Variants in SEMA3E observed in about 807,000 individuals in gnomAD.
The protein encoded by SEMA3E is semaphorin-3E.
A neutral mutation model predicts 93.6 loss-of-function variants in SEMA3E; 49 were observed. That is an observed-to-expected ratio of 0.52 (90% CI 0.42 to 0.66). The LOEUF is 0.66. SEMA3E is among the 30% of genes least tolerant of loss of function. The probability of loss-of-function intolerance (pLI) is 0.00; values close to 1 mark genes in which losing one functional copy is unlikely to be tolerated. For missense variants in SEMA3E, 906 were observed against 964.8 expected (o/e 0.94, Z 0.81); for synonymous variants, 363 against 330.7 (o/e 1.10, Z -1.06).
At chr7:83,603,945 A>G (rs1793051434) in intron 1 of SEMA3E, among the ~76,000 whole-genome samples, 1 of 152,184 alleles carries the variant, frequency 6.6e-6, no homozygotes, top group African/African-American at 2.4e-5. Context: ...AGGTGCTAAG[A>G]AACTGAATAG....
chr7:83,503,493 G>T (rs28691114), intron 1 of SEMA3E, among the ~76,000 whole-genome samples: 34,870 of 151,970 alleles, frequency 0.23, 5,196 homozygotes, highest in African/African-American at 0.43. Flanking sequence ...TAAATTTCTA[G>T]GAGTTTTCTA....
chr7:83,406,792 G>T (rs554773431), intron 7 of SEMA3E, among the ~76,000 whole-genome samples: 2 of 151,992 alleles, frequency 1.3e-5, no homozygotes, highest in Non-Finnish European at 2.9e-5. Context: ...AATAAAAAAG[G>T]TTTTGATCAA....
At chr7:83,610,039 TTAAAGA>T (rs1793218735) in intron 1 of SEMA3E, among the ~76,000 whole-genome samples, 1 of 151,974 alleles carries the variant, frequency 6.6e-6, no homozygotes, top group African/African-American at 2.4e-5. Flanking sequence ...ATCTATCAAT[TTAAAGA>T]TAAACTACAA....
intron 1 of SEMA3E, among the ~76,000 whole-genome samples, chr7:83,601,936 A>T (rs974751567): frequency 6.6e-6 from 1 of 152,198 alleles, no homozygotes; most frequent in African/African-American, 2.4e-5. Flanking sequence ...ACATACCCTG[A>T]TGGGGAGATG....
chr7:83,449,178 C>T (rs1274005662), intron 4 of SEMA3E, among the ~76,000 whole-genome samples: 1 of 151,816 alleles, frequency 6.6e-6, no homozygotes, highest in African/African-American at 2.4e-5. Context: ...TGGCTCACTG[C>T]AACCTCCACC....
At position 83,427,079 on chromosome 7, in the gene SEMA3E, TGTTA is replaced by T. The variant is rs540211182; in HGVS notation, c.457-8600_457-8597del. Reference sequence around the variant, plus strand: ...ATGTTTATTTTATCCCCAAAGACCTTGTTAGTGACAGCATGTAATTTGAAGGTAA... The same window carrying T: ...ATGTTTATTTTATCCCCAAAGACCTTGTGACAGCATGTAATTTGAAGGTAA... On this transcript the variant is annotated intron_variant, in intron 4 of 16. Coordinates refer to ENST00000643230, the MANE Select transcript of SEMA3E (RefSeq NM_012431.3). Among the ~76,000 whole-genome samples, 819 of 152,218 alleles carry T rather than the reference TGTTA, an allele frequency of 5.4e-3. 4 individuals carry two copies. Among genetic ancestry groups the T allele is most frequent in the African/African-American group, 0.019 (770 of 41,544 alleles).
intron 16 of SEMA3E, among the ~76,000 whole-genome samples, chr7:83,370,741 C>G (rs1011955477): frequency 3.3e-5 from 5 of 152,194 alleles, no homozygotes; most frequent in South Asian, 4.1e-4. Context: ...ACCTTCGTTT[C>G]GCCTGTTAAC....
chr7:83,512,432 C>G lies in SEMA3E; in HGVS notation c.116-22158G>C, dbSNP rs1446988447. ...AATAGAGAACTCTTGAAATACATGC[C>G]GTGGATTAGCTACATTCATCTTACT... On this transcript the variant is annotated intron_variant, in intron 1 of 16. Transcript: ENST00000643230. Among the ~76,000 whole-genome samples, 3 of 152,164 alleles carry G rather than the reference C, an allele frequency of 2.0e-5. No homozygotes were observed. The East Asian group carries it at 5.8e-4, about 29-fold the overall frequency.
In SEMA3E at chr7:83,540,844, A is replaced by G. The variant is rs190586970; in HGVS notation, c.116-50570T>C. Among the ~76,000 whole-genome samples the G allele has an allele frequency of 2.3e-3, 352 of 152,328 alleles. 1 individual carries two copies. The highest frequency in any genetic ancestry group is 7.8e-3 in the African/African-American group (325 of 41,576). On this transcript the variant is annotated intron_variant, in intron 1 of 16. Coordinates refer to ENST00000643230, the MANE Select transcript of SEMA3E (RefSeq NM_012431.3). ...AGAATGCATTTAATGAGGTTATGAA[A>G]TTAGTTTTATCTGTGAGCTTTAATG...
chr7:83,584,062 T>C (rs1202254716), intron 1 of SEMA3E, among the ~76,000 whole-genome samples: 1 of 152,148 alleles, frequency 6.6e-6, no homozygotes, highest in East Asian at 1.9e-4. Context: ...TTTTATCCAG[T>C]TGAGGTAGTG....
At chr7:83,591,926 T>G (rs559730620) in intron 1 of SEMA3E, among the ~76,000 whole-genome samples, 16 of 152,170 alleles carry the variant, frequency 1.1e-4, no homozygotes, top group Non-Finnish European at 1.5e-4. Context: ...AAATCAAGCA[T>G]TTTGATCCAG....
chr7:83,552,746 A>C (rs1267824507), intron 1 of SEMA3E, among the ~76,000 whole-genome samples: 1 of 152,124 alleles, frequency 6.6e-6, no homozygotes, highest in Non-Finnish European at 1.5e-5. Flanking sequence ...CCTCAGGCTT[A>C]CTAGGGTGGC....
At chr7:83,413,226 A>G (rs993353827) in intron 5 of SEMA3E, among the ~76,000 whole-genome samples, 1 of 152,120 alleles carries the variant, frequency 6.6e-6, no homozygotes, top group African/African-American at 2.4e-5. Flanking sequence ...CATGGACTAT[A>G]TATTATCTGA....
chr7:83,467,114 G>T lies in SEMA3E; in HGVS notation c.337-513C>A, dbSNP rs577726915. On this transcript the variant is annotated intron_variant, in intron 3 of 16. Coordinates refer to ENST00000643230, the MANE Select transcript of SEMA3E (RefSeq NM_012431.3). ...GGGTCTCACTCTGTTGCCCAGGCTGGAACACAGTGGTGTAATTTCAGCTCA... is the reference window on the plus strand; with the variant it reads ...GGGTCTCACTCTGTTGCCCAGGCTGTAACACAGTGGTGTAATTTCAGCTCA... 2.1e-5 allele frequency among the ~76,000 whole-genome samples: 3 copies of T among 140,086 alleles called. No individual in the cohort carries two copies. The East Asian group carries it at 6.5e-4, about 30-fold the overall frequency. 91.9% of individuals were successfully genotyped at this position (140,086 alleles called of 152,430 possible).
chr7:83,607,393 A>T (rs575984987), intron 1 of SEMA3E, among the ~76,000 whole-genome samples: 6 of 152,188 alleles, frequency 3.9e-5, no homozygotes, highest in African/African-American at 1.4e-4. Context: ...TTTCATTGCC[A>T]TACTGTCTTG....
intron 2 of SEMA3E, among the ~76,000 whole-genome samples, chr7:83,472,189 A>T (rs1789911987): frequency 6.6e-6 from 1 of 152,188 alleles, no homozygotes; most frequent in Non-Finnish European, 1.5e-5. Context: ...GCTCTCCGAA[A>T]TGGCTACATG....
At position 83,364,490 on chromosome 7, in the gene SEMA3E, CCT is replaced by C. The variant is rs1157633080; in HGVS notation, c.*3094_*3095del. On this transcript the variant is annotated 3_prime_UTR_variant, in exon 17 of 17. Coordinates refer to ENST00000643230, the MANE Select transcript of SEMA3E (RefSeq NM_012431.3). ...TTAGTGTTTATCCTTATTTTTAATC[CCT>C]GTTTCTCCAAGTTGATAGCTTTGCT... The C allele has an allele frequency of 6.6e-6, 1 of 151,980 alleles. No homozygotes were observed. The allele number at this position is 151,980 out of a possible 1,614,324, so 9.4% of individuals were successfully genotyped here.
chr7:83,378,661 T>C (rs1315289448), intron 16 of SEMA3E, among the ~76,000 whole-genome samples: 1 of 151,912 alleles, frequency 6.6e-6, no homozygotes, highest in Admixed American at 6.6e-5. Context: ...TCAAAGAATA[T>C]TGTTTAATAT....
intron 2 of SEMA3E, among the ~76,000 whole-genome samples, chr7:83,473,568 C>T (rs1463366128): frequency 6.6e-6 from 1 of 152,078 alleles, no homozygotes; most frequent in Non-Finnish European, 1.5e-5. Flanking sequence ...AGGCTAGGAG[C>T]CAGCATTTAA....
Sources: gnomAD v4.1 joint callset for allele counts (sites outside exome capture counted in the v4.1 genomes callset) on GRCh38, gnomAD v4.1.1 for gene constraint, MANE v1.5 for transcripts, NCBI Gene and HGNC (gene_info 2026-07-23, HGNC 2026-07-21) for gene names.